The following LINGO1 variants were observed in gnomAD, a reference collection of about 807,000 sequenced individuals.
LINGO1 encodes leucine-rich repeat and immunoglobulin-like domain-containing nogo receptor-interacting protein 1.
LINGO1 carries 11 observed loss-of-function variants against 37.3 expected under a neutral mutation model. The observed-to-expected ratio is 0.29, with a 90% CI of 0.19 to 0.49. LINGO1 has a LOEUF of 0.49. LINGO1 is among the 20% of genes least tolerant of loss of function. The pLI is 0.99. For synonymous variants in LINGO1, 387 were observed against 403.0 expected (o/e 0.96, Z 0.48); for missense variants, 585 against 878.2 (o/e 0.67, Z 4.22).
At chr15:77,784,410 C>A (rs1793229364) in intron 1 of LINGO1, among the ~76,000 whole-genome samples, 1 of 152,266 alleles carries the variant, frequency 6.6e-6, no homozygotes, top group Non-Finnish European at 1.5e-5. Flanking sequence ...AGCAGAGACC[C>A]TGCCCAGCAA....
chr15:77,720,149 C>T (rs1162147302), intron 2 of LINGO1, among the ~76,000 whole-genome samples: 1 of 151,008 alleles, frequency 6.6e-6, no homozygotes, highest in South Asian at 2.1e-4. Context: ...CCCCACCCCA[C>T]CCCTCCACTC....
chr15:77,809,284 G>C (rs2076984274), intron 1 of LINGO1, among the ~76,000 whole-genome samples: 1 of 152,206 alleles, frequency 6.6e-6, no homozygotes, highest in Admixed American at 6.5e-5. Flanking sequence ...AAACCCAGCA[G>C]GTAGTGATGA....
At chr15:77,794,764 T>A (rs2076859413) in intron 2 of LINGO1, among the ~76,000 whole-genome samples, 1 of 151,206 alleles carries the variant, frequency 6.6e-6, no homozygotes. Context: ...ATTTTTTGTA[T>A]TTTTTTTAGT....
chr15:77,811,266 G>A (rs184663056), intron 1 of LINGO1, among the ~76,000 whole-genome samples: 9 of 152,328 alleles, frequency 5.9e-5, no homozygotes, highest in Admixed American at 4.6e-4. Flanking sequence ...TAAACAAGAA[G>A]TTGTTTTAGA....
chr15:77,669,469 A>G (rs553302205), intron 3 of LINGO1, among the ~76,000 whole-genome samples: 4 of 152,296 alleles, frequency 2.6e-5, no homozygotes, highest in South Asian at 4.1e-4. Flanking sequence ...GGGAAAACCG[A>G]GAGAGGTACA....
upstream of LINGO1, among the ~76,000 whole-genome samples, chr15:77,696,662 C>T (rs561403526): frequency 5.3e-5 from 8 of 152,352 alleles, no homozygotes; most frequent in South Asian, 4.1e-4. Flanking sequence ...TCCCTGCCCC[C>T]TATCTCTGGG....
intron 3 of LINGO1, chr15:77,667,808 G>C (rs1288740131): frequency 4.6e-5 from 7 of 152,202 alleles, no homozygotes; most frequent in Admixed American, 4.6e-4. Context: ...ATCTCTCCAG[G>C]ACGAAGATGA....
At chr15:77,675,753 T>C (rs1311367941) in intron 3 of LINGO1, among the ~76,000 whole-genome samples, 2 of 152,130 alleles carry the variant, frequency 1.3e-5, no homozygotes, top group South Asian at 2.1e-4. Flanking sequence ...GAGAACATAT[T>C]ACCTTAATAA....
chr15:77,744,067 C>G (rs761581751), intron 1 of LINGO1, among the ~76,000 whole-genome samples: 6 of 152,146 alleles, frequency 3.9e-5, no homozygotes, highest in Non-Finnish European at 8.8e-5. Context: ...GAGAACTCAC[C>G]GTGGGCAGAG....
At position 77,767,665 on chromosome 15, in the gene LINGO1, T is replaced by C. The variant is rs183524770; in HGVS notation, c.-257+19204A>G. On this transcript the variant is annotated intron_variant, in intron 1 of 3. Transcript: ENST00000561686. ...CAAGAAGGTAACATTGGTAGAGGCTTTCATGTATTATGTTGAGAGGAGTTG... is the reference window on the plus strand; with the variant it reads ...CAAGAAGGTAACATTGGTAGAGGCTCTCATGTATTATGTTGAGAGGAGTTG... 2.6e-5 allele frequency among the ~76,000 whole-genome samples: 4 copies of C among 152,218 alleles called. 1 individual carries two copies. The East Asian group carries it at 5.8e-4, about 22-fold the overall frequency.
intron 2 of LINGO1, among the ~76,000 whole-genome samples, chr15:77,688,349 C>A (rs963830499): frequency 5.3e-5 from 8 of 152,234 alleles, no homozygotes; most frequent in Non-Finnish European, 1.0e-4. Context: ...CTAATCACTG[C>A]ATTAAACTTC....
chr15:77,713,642 C>T (rs1366915745), intron 2 of LINGO1, among the ~76,000 whole-genome samples: 2 of 151,966 alleles, frequency 1.3e-5, no homozygotes, highest in African/African-American at 2.4e-5. Flanking sequence ...CACACACACA[C>T]GAGTGTATGT....
At chr15:77,819,230 G>C (rs1015391991) in intron 1 of LINGO1, 2 of 148,954 alleles carry the variant, frequency 1.3e-5, no homozygotes, top group African/African-American at 2.4e-5. Flanking sequence ...CGCCCCTGCG[G>C]CCCTGGCCCC....
intron 1 of LINGO1, among the ~76,000 whole-genome samples, chr15:77,624,386 G>A (rs1461477491): frequency 6.6e-6 from 1 of 152,084 alleles, no homozygotes; most frequent in Non-Finnish European, 1.5e-5. Flanking sequence ...ACTGGGCATG[G>A]TGTGATTGTC....
At position 77,727,890 on chromosome 15, in the gene LINGO1, CG is replaced by C. The variant is rs1567550317; in HGVS notation, c.-195+7101del. 3.9e-5 allele frequency among the ~76,000 whole-genome samples: 6 copies of C among 152,168 alleles called. No homozygotes were observed. In the South Asian group the frequency reaches 1.2e-3, roughly 32 times the overall value. ...ATTCAAAGCCCTTTTGCCTGGCTCC[CG>C]GGGACACTGCACATTCCTTTGAGAA... On this transcript the variant is annotated intron_variant, in intron 2 of 3. Transcript: ENST00000561686.
At chr15:77,627,168 A>G (rs1191210495) in intron 1 of LINGO1, among the ~76,000 whole-genome samples, 2 of 152,132 alleles carry the variant, frequency 1.3e-5, no homozygotes, top group Admixed American at 1.3e-4. Context: ...GGAGACGAGG[A>G]ACAATGCCCT....
At chr15:77,797,090 G>A (rs2076880038) in intron 1 of LINGO1, among the ~76,000 whole-genome samples, 1 of 152,200 alleles carries the variant, frequency 6.6e-6, no homozygotes, top group Non-Finnish European at 1.5e-5. Flanking sequence ...GCGCTAGGAA[G>A]TTCTGGTTCC....
chr15:77,669,264 G>A (rs1199318245), intron 3 of LINGO1, among the ~76,000 whole-genome samples: 1 of 152,206 alleles, frequency 6.6e-6, no homozygotes, highest in Non-Finnish European at 1.5e-5. Context: ...GCTTAGGGTC[G>A]CCTCTGCTCC....
chr15:77,734,220 C>T (rs1257492529), intron 2 of LINGO1, among the ~76,000 whole-genome samples: 1 of 152,192 alleles, frequency 6.6e-6, no homozygotes, highest in Non-Finnish European at 1.5e-5. Flanking sequence ...ACTTCACACC[C>T]CTTCTGCTCC....
Sources: allele counts gnomAD v4.1 joint callset (sites outside exome capture counted in the v4.1 genomes callset), GRCh38; gene constraint gnomAD v4.1.1; transcripts MANE v1.5; gene names NCBI Gene and HGNC (gene_info 2026-07-23, HGNC 2026-07-21).